IPPK: variants seen among roughly 807,000 people sequenced by gnomAD.
IPPK encodes the protein IPK1 homolog.
Under a neutral mutation model 64.6 loss-of-function variants are expected in IPPK, and 22 were observed. The observed-to-expected ratio is 0.34, with a 90% CI of 0.24 to 0.49. The LOEUF (loss-of-function observed/expected upper bound fraction) is 0.49. Among genes scored for constraint, IPPK ranks in the 20% least tolerant of loss-of-function variants. IPPK has a pLI of 0.99. For missense variants in IPPK, 532 were observed against 630.7 expected, an observed-to-expected ratio of 0.84 and a Z score of 1.68; for synonymous variants, 262 against 247.2, an observed-to-expected ratio of 1.06 and a Z score of -0.56.
At chr9:92,621,805 C>T (rs185341097) in intron 11 of IPPK, among the ~76,000 whole-genome samples, 1 of 152,174 alleles carries the variant, frequency 6.6e-6, no homozygotes, top group African/African-American at 2.4e-5. Flanking sequence ...GTGTGAGCCA[C>T]TGAACCCAGC....
At chr9:92,652,448 C>CAAAA (rs376104704) in intron 4 of IPPK, 125 bp downstream of exon 4, 27 of 217,096 alleles carry the variant, frequency 1.2e-4, no homozygotes, top group African/African-American at 4.3e-4. Flanking sequence ...GACTCCGTCT[C>CAAAA]AAAAAAAAAA....
chr9:92,654,801 C>T (rs780970502), intron 3 of IPPK, among the ~76,000 whole-genome samples: 2 of 152,194 alleles, frequency 1.3e-5, no homozygotes, highest in African/African-American at 2.4e-5. Context: ...GACAAAGAGC[C>T]GCCAGCCTGG....
chr9:92,618,300 C>A, intron 12 of IPPK: 1 of 456,730 alleles, frequency 2.2e-6, no homozygotes, highest in South Asian at 1.5e-5. Context: ...GACATGCCCT[C>A]CCCTCCCCTC....
At chr9:92,666,509 C>G (rs1438906717) in intron 1 of IPPK, among the ~76,000 whole-genome samples, 2 of 152,126 alleles carry the variant, frequency 1.3e-5, no homozygotes, top group African/African-American at 4.8e-5. Flanking sequence ...TGGGAAGTTC[C>G]CTCATCAAGG....
intron 9 of IPPK, 102 bp downstream of exon 9, chr9:92,637,899 G>T: frequency 2.3e-6 from 3 of 1,276,956 alleles, no homozygotes; most frequent in African/African-American, 1.5e-5. Context: ...ATCCCCCAGA[G>T]CCCCCAGGAG....
chr9:92,659,259 G>A (rs1852433538), intron 1 of IPPK, among the ~76,000 whole-genome samples: 1 of 152,182 alleles, frequency 6.6e-6, no homozygotes. Flanking sequence ...GCTAAGGAAG[G>A]TTCTAGAAGG....
intron 1 of IPPK, among the ~76,000 whole-genome samples, chr9:92,659,918 CCTT>C (rs1005528201): frequency 6.6e-6 from 1 of 152,074 alleles, no homozygotes; most frequent in African/African-American, 2.4e-5. Flanking sequence ...GCTGTCCCCT[CCTT>C]AAGCCCCAAG....
In IPPK at chr9:92,656,518, T is replaced by C. The variant is rs1280247498; in HGVS notation, c.163A>G (p.Ile55Val). 2 of 1,613,576 alleles carry C rather than the reference T, an allele frequency of 1.2e-6. No individual in the cohort carries two copies. The highest frequency in any genetic ancestry group is 1.7e-6 in the Non-Finnish European group (2 of 1,179,576). Reference sequence around the variant, plus strand: ...ATGACATTTTTCCCAAAGTCCACTATGTTCTGCAGGTGTTGAAATATCTCT... The same window carrying C: ...ATGACATTTTTCCCAAAGTCCACTACGTTCTGCAGGTGTTGAAATATCTCT... ...SEEIFQHLQN[I>V]VDFGKNVMKE... Residue 55 changes from isoleucine to valine, a missense_variant, in exon 3 of 13, where the codon ATA (isoleucine) becomes GTA (valine). Transcript: ENST00000287996.
intron 8 of IPPK, among the ~76,000 whole-genome samples, chr9:92,638,895 C>T (rs1851995027): frequency 6.6e-6 from 1 of 152,224 alleles, no homozygotes; most frequent in Non-Finnish European, 1.5e-5. Context: ...TCACACATTC[C>T]CAGGGCACAG....
At chr9:92,639,637 C>T (rs1293644549) in intron 8 of IPPK, among the ~76,000 whole-genome samples, 3 of 152,148 alleles carry the variant, frequency 2.0e-5, no homozygotes, top group Admixed American at 1.3e-4. Context: ...AGAAAAGGAT[C>T]CACCTGGGAT....
At chr9:92,649,638 C>A (rs1852221070) in intron 4 of IPPK, 64 bp from the exon 5 acceptor site, 1 of 1,589,874 alleles carries the variant, frequency 6.3e-7, no homozygotes, top group Non-Finnish European at 8.6e-7. Context: ...GATCCCTGCC[C>A]AAAACAGGCC....
At chr9:92,622,076 A>G (rs1851648817) in intron 11 of IPPK, among the ~76,000 whole-genome samples, 1 of 152,248 alleles carries the variant, frequency 6.6e-6, no homozygotes, top group Non-Finnish European at 1.5e-5. Flanking sequence ...TTTTGGTCAT[A>G]TGATCATCTC....
chr9:92,619,747 C>T (rs1311949997), intron 11 of IPPK, 182 bp from the exon 12 acceptor site: 4 of 621,474 alleles, frequency 6.4e-6, no homozygotes, highest in Non-Finnish European at 1.2e-5. Context: ...AGCACCTGGG[C>T]CAGCCCTCAG....
chr9:92,652,499 G>A, intron 4 of IPPK, 74 bp downstream of exon 4: 1 of 764,128 alleles, frequency 1.3e-6, no homozygotes, highest in Non-Finnish European at 2.1e-6. Context: ...ACCTAACATG[G>A]GTAATCATTT....
At position 92,615,833 on chromosome 9, in the gene IPPK, T is replaced by G. The variant is rs780948436; in HGVS notation, c.1475A>C (p.Ter492SerextTer10). The change falls in exon 13 of 13, where the codon TAA becomes TCA. Residue 492 changes from the stop codon to serine, a stop_lost. Transcript: ENST00000287996. The stretch of plus-strand genomic sequence containing the variant: ...TTCAAAGACACTGCAGGGAAAGAGT[T>G]AGACCTTGTGGAGAACTAATGTGCA... ...EDCTLVLHKV[*>S] is the part of the protein sequence containing the mutation. 2 of 1,608,900 alleles carry G rather than the reference T, an allele frequency of 1.2e-6. No individual in the cohort carries two copies. The highest frequency in any genetic ancestry group is 1.7e-6 in the Non-Finnish European group (2 of 1,175,300).
rs147714812 is a variant in IPPK, at chr9:92,641,423, C to T, written c.564-641G>A. On this transcript the variant is annotated intron_variant, in intron 7 of 12. Transcript: ENST00000287996. The stretch of plus-strand genomic sequence containing the variant: ...AGTATCCACGCACTCTAGCTGACTC[C>T]CAAAAGCCTGCATTCTACAACATTC... Among the ~76,000 whole-genome samples the T allele has an allele frequency of 1.5e-3, 228 of 152,336 alleles. 1 individual carries two copies. The highest frequency in any genetic ancestry group is 5.1e-3 in the African/African-American group (213 of 41,570).
intron 12 of IPPK, chr9:92,618,474 C>T (rs1322136487): frequency 4.4e-6 from 2 of 456,676 alleles, no homozygotes; most frequent in Non-Finnish European, 8.8e-6. Flanking sequence ...TCACAGCCCA[C>T]CTAAGGGCAC....
intron 11 of IPPK, among the ~76,000 whole-genome samples, chr9:92,629,725 A>T (rs1019857082): frequency 6.7e-6 from 1 of 149,470 alleles, no homozygotes. Flanking sequence ...AAAAAAAAAA[A>T]GTAGGCAAAG....
chr9:92,667,530 T>A (rs1852625500), intron 1 of IPPK, among the ~76,000 whole-genome samples: 2 of 152,172 alleles, frequency 1.3e-5, no homozygotes, highest in Admixed American at 6.5e-5. Flanking sequence ...CATTTTCTCA[T>A]GAGACTATGT....
Sources: allele counts gnomAD v4.1 joint callset (sites outside exome capture counted in the v4.1 genomes callset), GRCh38; gene constraint gnomAD v4.1.1; transcripts MANE v1.5; gene names NCBI Gene and HGNC (gene_info 2026-07-23, HGNC 2026-07-21).